SLC8A3: variants seen among roughly 807,000 people sequenced by gnomAD.
SLC8A3 encodes solute carrier family 8 member A3.
A neutral mutation model predicts 65.4 loss-of-function variants in SLC8A3; 37 were observed. The ratio of observed to expected loss-of-function variants is 0.57; its 90% confidence interval spans 0.44 to 0.74. The LOEUF is 0.74. Ranked by LOEUF, SLC8A3 falls within the 30% of genes least tolerant of loss-of-function variation. The probability of loss-of-function intolerance (pLI) is 0.00; values close to 1 mark genes in which losing one functional copy is unlikely to be tolerated. For synonymous variants in SLC8A3, 461 were observed against 444.5 expected (o/e 1.04, Z -0.47); for missense variants, 1,112 against 1,172.1 (o/e 0.95, Z 0.75).
rs531917394 is a variant in SLC8A3 at position 70,141,863 on chromosome 14, C to T, written c.1784+24776G>A. 2.6e-5 allele frequency among the ~76,000 whole-genome samples: 4 copies of T among 152,356 alleles called. No individual in the cohort carries two copies. The East Asian group carries it at 7.7e-4, about 29-fold the overall frequency. Reference sequence around the variant, plus strand: ...TTATATCAGCTCTCTGTCTTCCTCCCTGGCTGACCTCACAGTGTAACTTTC... The same window carrying T: ...TTATATCAGCTCTCTGTCTTCCTCCTTGGCTGACCTCACAGTGTAACTTTC... On this transcript the variant is annotated intron_variant, in intron 2 of 6. Coordinates refer to ENST00000356921, the MANE Select transcript of SLC8A3 (RefSeq NM_182932.3).
intron 1 of SLC8A3, among the ~76,000 whole-genome samples, chr14:70,182,845 A>G (rs1594826800): frequency 6.6e-6 from 1 of 152,170 alleles, no homozygotes; most frequent in Non-Finnish European, 1.5e-5. Flanking sequence ...GACACTTCAG[A>G]TAAGAGATGG....
chr14:70,172,228 T>C (rs1442014973), intron 1 of SLC8A3, among the ~76,000 whole-genome samples: 1 of 152,218 alleles, frequency 6.6e-6, no homozygotes, highest in Admixed American at 6.5e-5. Context: ...ATTATTTGCA[T>C]AATGCTGAGT....
intron 2 of SLC8A3, among the ~76,000 whole-genome samples, chr14:70,080,748 C>T (rs560263859): frequency 7.2e-5 from 11 of 152,272 alleles, no homozygotes; most frequent in Middle Eastern, 3.4e-3. Flanking sequence ...TATTTGTGCA[C>T]GGAGCTCCAT....
intron 1 of SLC8A3, among the ~76,000 whole-genome samples, chr14:70,186,188 C>T (rs142662783): frequency 1.8e-4 from 24 of 135,508 alleles, no homozygotes; most frequent in Middle Eastern, 3.7e-3. Context: ...CCCTTTTTTT[C>T]GTCACTTCTT....
In SLC8A3 at chr14:70,111,175, A is replaced by G. The variant is rs202231382; in HGVS notation, c.1785-50236T>C. 6.6e-5 allele frequency among the ~76,000 whole-genome samples: 10 copies of G among 152,296 alleles called. 1 individual carries two copies. The East Asian group carries it at 1.9e-3, about 29-fold the overall frequency. On this transcript the variant is annotated intron_variant, in intron 2 of 6. Coordinates refer to ENST00000356921, the MANE Select transcript of SLC8A3 (RefSeq NM_182932.3). Reference sequence around the variant, plus strand: ...TTTCTTCACACCCTCGTCAGCATTCATTATTGCCTGTCTTTTGGCTAAAAG... The same window carrying G: ...TTTCTTCACACCCTCGTCAGCATTCGTTATTGCCTGTCTTTTGGCTAAAAG...
intron 2 of SLC8A3, among the ~76,000 whole-genome samples, chr14:70,165,008 A>T (rs968128013): frequency 6.6e-6 from 1 of 152,204 alleles, no homozygotes; most frequent in African/African-American, 2.4e-5. Context: ...GTCAATGGCC[A>T]TTTCCCTTCA....
chr14:70,180,256 T>A (rs567090370), intron 1 of SLC8A3, among the ~76,000 whole-genome samples: 136 of 152,358 alleles, frequency 8.9e-4, no homozygotes, highest in Admixed American at 1.8e-3. Context: ...TTAATGCCAT[T>A]TAATTTATTT....
In SLC8A3 at chr14:70,045,501, A is replaced by G. The variant is rs181000734; in HGVS notation, c.*446T>C. The G allele has an allele frequency of 6.4e-6, 1 of 155,542 alleles. No individual in the cohort carries two copies. The highest frequency in any genetic ancestry group is 2.4e-5 in the African/African-American group (1 of 41,700). The allele number at this position is 155,542 out of a possible 1,614,324, so 9.6% of individuals were successfully genotyped here. On this transcript the variant is annotated 3_prime_UTR_variant, in exon 7 of 7. Transcript: ENST00000356921. ...ATGAAAAAAGAACCCCACCCCAGCC[A>G]CATGAATGTGACTCATTTTCACGTC...
chr14:70,091,427 C>A (rs1370727735), intron 2 of SLC8A3, among the ~76,000 whole-genome samples: 5 of 152,188 alleles, frequency 3.3e-5, no homozygotes, highest in African/African-American at 4.8e-5. Context: ...TTCCTTCCTA[C>A]AAACCCTGGC....
intron 5 of SLC8A3, among the ~76,000 whole-genome samples, chr14:70,050,284 T>C: frequency 6.6e-6 from 1 of 152,204 alleles, no homozygotes. Context: ...CAAACCTCTC[T>C]TCCTGGCTGT....
Position 70,135,214 on chromosome 14 carries a change from G to A in SLC8A3, c.1784+31425C>T, listed in dbSNP as rs1391545988. On this transcript the variant is annotated intron_variant, in intron 2 of 6. Coordinates refer to ENST00000356921, the MANE Select transcript of SLC8A3 (RefSeq NM_182932.3). ...TATATCATCTTACCCCAGTCAGAATGGCTATTATCAAAAAGACAAAATATA... is the reference window on the plus strand; with the variant it reads ...TATATCATCTTACCCCAGTCAGAATAGCTATTATCAAAAAGACAAAATATA... Among the ~76,000 whole-genome samples the A allele has an allele frequency of 2.0e-5, 3 of 152,158 alleles. No homozygotes were observed. In the East Asian group the frequency reaches 5.8e-4, roughly 29 times the overall value.
chr14:70,063,313 G>A (rs1204608441), intron 2 of SLC8A3, among the ~76,000 whole-genome samples: 3 of 152,144 alleles, frequency 2.0e-5, no homozygotes, highest in Non-Finnish European at 4.4e-5. Flanking sequence ...TTTGGGAGGG[G>A]AATGAACTGT....
chr14:70,071,866 A>C (rs1342481991), intron 2 of SLC8A3, among the ~76,000 whole-genome samples: 1 of 152,226 alleles, frequency 6.6e-6, no homozygotes, highest in East Asian at 1.9e-4. Flanking sequence ...ACTACCCTAC[A>C]CCATCTATTT....
intron 2 of SLC8A3, among the ~76,000 whole-genome samples, chr14:70,130,724 G>A (rs565586677): frequency 6.6e-6 from 1 of 152,346 alleles, no homozygotes; most frequent in East Asian, 1.9e-4. Context: ...GAGGAATGGA[G>A]TTTTAATGAC....
chr14:70,103,524 T>G (rs1032540213), intron 2 of SLC8A3, among the ~76,000 whole-genome samples: 1 of 152,022 alleles, frequency 6.6e-6, no homozygotes, highest in African/African-American at 2.4e-5. Flanking sequence ...AATGGGAGTG[T>G]AAAGGGACAT....
At chr14:70,064,000 G>A (rs371896873) in intron 2 of SLC8A3, 38 of 809,778 alleles carry the variant, frequency 4.7e-5, no homozygotes, top group African/African-American at 3.9e-4. Context: ...AGACAAAAAC[G>A]GGAAGAGAAG....
At chr14:70,115,181 T>C (rs1893572609) in intron 2 of SLC8A3, among the ~76,000 whole-genome samples, 1 of 152,144 alleles carries the variant, frequency 6.6e-6, no homozygotes, top group South Asian at 2.1e-4. Context: ...CTTGGGAAGA[T>C]GGCGGCTGAG....
intron 2 of SLC8A3, chr14:70,064,069 G>A: frequency 3.4e-6 from 2 of 590,292 alleles, no homozygotes; most frequent in Non-Finnish European, 6.1e-6. Context: ...GGGGCACGGA[G>A]GAGAGTGGCT....
chr14:70,093,826 T>C (rs1397067815), intron 2 of SLC8A3, among the ~76,000 whole-genome samples: 1 of 152,218 alleles, frequency 6.6e-6, no homozygotes, highest in Admixed American at 6.5e-5. Flanking sequence ...AAATGGAGCC[T>C]GTGTCCCCTG....
Sources: allele counts gnomAD v4.1 joint callset (sites outside exome capture counted in the v4.1 genomes callset), GRCh38; gene constraint gnomAD v4.1.1; transcripts MANE v1.5; gene names NCBI Gene and HGNC (gene_info 2026-07-23, HGNC 2026-07-21).